The following TTBK2 variants were observed in gnomAD, a reference collection of about 807,000 sequenced individuals.
The protein encoded by TTBK2 is tau-tubulin kinase 2.
TTBK2 carries 28 observed loss-of-function variants against 110.8 expected under a neutral mutation model. The observed-to-expected ratio is 0.25, with a 90% confidence interval of 0.19 to 0.35. The LOEUF is 0.35. Ranked by LOEUF, TTBK2 falls within the 10% of genes least tolerant of loss-of-function variation. TTBK2 has a pLI of 1.00. For missense variants in TTBK2, 1,369 were observed against 1,500.3 expected, an observed-to-expected ratio of 0.91 and a Z score of 1.45; for synonymous variants, 532 against 527.3, an observed-to-expected ratio of 1.01 and a Z score of -0.12.
intron 4 of TTBK2, among the ~76,000 whole-genome samples, chr15:42,839,215 T>C (rs1217391536): frequency 2.0e-5 from 3 of 152,224 alleles, no homozygotes; most frequent in Non-Finnish European, 4.4e-5. Flanking sequence ...TTTCTATTCC[T>C]GCATTAATTT....
At chr15:42,879,902 G>A (rs553112318) in intron 1 of TTBK2, among the ~76,000 whole-genome samples, 2 of 151,714 alleles carry the variant, frequency 1.3e-5, no homozygotes, top group Non-Finnish European at 2.9e-5. Flanking sequence ...GAGTCTGAGC[G>A]GGGAGGATCA....
rs185448970 is a variant in TTBK2, at chr15:42,812,559, T to G, written c.604-779A>C. Among the ~76,000 whole-genome samples the G allele has an allele frequency of 7.2e-5, 11 of 152,254 alleles. No homozygotes were observed. In the East Asian group the frequency reaches 1.7e-3, roughly 24 times the overall value. ...AATACATCCCTAAATTCAGACCTCA[T>G]AGAAGTGCTATAGAAAAAGCCTCAC... On this transcript the variant is annotated intron_variant, in intron 7 of 14. Coordinates refer to ENST00000267890, the MANE Select transcript of TTBK2 (RefSeq NM_173500.4).
In TTBK2 at chr15:42,752,994, G is replaced by A; in HGVS notation, c.2252C>T (p.Ser751Phe). ...MLPNIRESNK[S>F]QDLGPKELPD... Reference sequence around the variant, plus strand: ...AAGTTCTTTTGGTCCCAGGTCTTGAGATTTGTTACTTTCTCTAATGTTGGG... The same window carrying A: ...AAGTTCTTTTGGTCCCAGGTCTTGAAATTTGTTACTTTCTCTAATGTTGGG... Residue 751 changes from serine to phenylalanine, a missense_variant, in exon 14 of 15, where the codon TCT becomes TTT. By Grantham distance (155) the Ser-to-Phe change is radical. Coordinates refer to ENST00000267890, the MANE Select transcript of TTBK2 (RefSeq NM_173500.4). The A allele has an allele frequency of 6.2e-7, 1 of 1,614,170 alleles. No individual in the cohort carries two copies. Among genetic ancestry groups the A allele is most frequent in the Non-Finnish European group, 8.5e-7 (1 of 1,180,034 alleles).
chr15:42,840,311 C>T (rs1893165275), intron 4 of TTBK2, 49 bp downstream of exon 4: 2 of 1,481,474 alleles, frequency 1.4e-6, no homozygotes, highest in Non-Finnish European at 1.9e-6. Context: ...TAATTGTATA[C>T]TTTGATCAAA....
intron 3 of TTBK2, among the ~76,000 whole-genome samples, chr15:42,860,275 A>T (rs1894102890): frequency 6.6e-6 from 1 of 152,032 alleles, no homozygotes; most frequent in Non-Finnish European, 1.5e-5. Context: ...CAAAACAAAC[A>T]AACAAACAAA....
At chr15:42,872,576 C>T (rs1894657526) in intron 3 of TTBK2, 35 bp downstream of exon 3, 1 of 1,607,152 alleles carries the variant, frequency 6.2e-7, no homozygotes, top group Admixed American at 1.7e-5. Context: ...AATTAACATA[C>T]AAATCATAAA....
At chr15:42,779,301 C>T (rs1367914850) in intron 11 of TTBK2, among the ~76,000 whole-genome samples, 1 of 151,158 alleles carries the variant, frequency 6.6e-6, no homozygotes, top group African/African-American at 2.4e-5. Context: ...CCCGGCTACT[C>T]GGGAGGCTGA....
At chr15:42,775,808 G>T (rs1284438143) in intron 12 of TTBK2, 85 bp from the exon 13 acceptor site, 5 of 1,076,188 alleles carry the variant, frequency 4.6e-6, no homozygotes, top group Non-Finnish European at 6.5e-6. Context: ...AACTAATATG[G>T]ACACAAAGAT....
At chr15:42,830,547 G>C (rs943399620) in intron 4 of TTBK2, among the ~76,000 whole-genome samples, 2 of 152,050 alleles carry the variant, frequency 1.3e-5, no homozygotes, top group East Asian at 3.9e-4. Flanking sequence ...TTAATCACAC[G>C]AATGTTTCAG....
chr15:42,894,919 C>T (rs1895608454), intron 1 of TTBK2, among the ~76,000 whole-genome samples: 1 of 152,160 alleles, frequency 6.6e-6, no homozygotes, highest in Non-Finnish European at 1.5e-5. Context: ...ATTCAAAAAT[C>T]AATTCATGCA....
chr15:42,752,615 C>A lies in TTBK2; in HGVS notation c.2631G>T (p.Lys877Asn). The A allele has an allele frequency of 6.2e-7, 1 of 1,614,138 alleles. No homozygotes were observed. Among genetic ancestry groups the A allele is most frequent in the Non-Finnish European group, 8.5e-7 (1 of 1,180,038 alleles). The change falls in exon 14 of 15, where the codon AAG (lysine) becomes AAT (asparagine). Residue 877 changes from lysine (K) to asparagine (N), a missense_variant. This residue lies in a region of TTBK2 where 1,097 missense variants were observed against 1,114.7 expected (regional missense o/e 0.98). Transcript: ENST00000267890. ...TCATGATGTCATCATCCTTAGATAT[C>A]TTATTTTTTTGCATTTCTGCCACTT... is the stretch of plus-strand genomic sequence containing the variant. ...IGQVAEMQKN[K>N]ISKDDDIMSE...
intron 1 of TTBK2, among the ~76,000 whole-genome samples, chr15:42,887,232 T>C (rs1895281360): frequency 6.6e-6 from 1 of 152,150 alleles, no homozygotes; most frequent in South Asian, 2.1e-4. Flanking sequence ...GCTCCCTTAT[T>C]AGGTCAAGAC....
At chr15:42,820,087 G>A (rs1029380729) in intron 6 of TTBK2, among the ~76,000 whole-genome samples, 3 of 152,124 alleles carry the variant, frequency 2.0e-5, no homozygotes, top group Non-Finnish European at 4.4e-5. Context: ...CTGAAATAGA[G>A]AAAACAGAAA....
chr15:42,851,385 A>G (rs1893705706), intron 3 of TTBK2, among the ~76,000 whole-genome samples: 2 of 152,192 alleles, frequency 1.3e-5, no homozygotes, highest in Non-Finnish European at 1.5e-5. Context: ...ATGCCATGTT[A>G]CAGTGTGTGG....
intron 13 of TTBK2, among the ~76,000 whole-genome samples, chr15:42,767,288 C>A (rs970445525): frequency 2.0e-5 from 3 of 151,924 alleles, no homozygotes; most frequent in Non-Finnish European, 4.4e-5. Context: ...GAGATAGAGA[C>A]ACAAAAAAAC....
intron 9 of TTBK2, among the ~76,000 whole-genome samples, chr15:42,804,972 G>C (rs1891397863): frequency 6.6e-6 from 1 of 152,194 alleles, no homozygotes; most frequent in South Asian, 2.1e-4. Context: ...AGGACAGGCA[G>C]AATCACAGAC....
intron 13 of TTBK2, among the ~76,000 whole-genome samples, chr15:42,754,527 T>A (rs1420281833): frequency 1.3e-5 from 2 of 151,422 alleles, no homozygotes; most frequent in African/African-American, 4.8e-5. Context: ...CTCCCAAGTA[T>A]CTGGGATTAC....
At position 42,741,461 on chromosome 15, in the gene TTBK2, C is replaced by T. The variant is rs1164310584; in HGVS notation, c.*4334G>A. 6.6e-6 allele frequency: 1 copy of T among 152,166 alleles called. No individual in the cohort carries two copies. Among genetic ancestry groups the T allele is most frequent in the Non-Finnish European group, 1.5e-5 (1 of 68,034 alleles). 9.4% of individuals were successfully genotyped at this position (152,166 alleles called of 1,614,324 possible). A position where few individuals can be genotyped will look rare whatever the true frequency, so the allele number is the denominator to read the frequency against. ...TAATATATTGTCCACAGGGCCAAAC[C>T]CCAAGTTACACAGCGCAACAGTACT... On this transcript the variant is annotated 3_prime_UTR_variant, in exon 15 of 15. Coordinates refer to ENST00000267890, the MANE Select transcript of TTBK2 (RefSeq NM_173500.4).
At chr15:42,800,032 G>A (rs562992544) in intron 9 of TTBK2, among the ~76,000 whole-genome samples, 11 of 152,120 alleles carry the variant, frequency 7.2e-5, no homozygotes, top group African/African-American at 2.4e-4. Flanking sequence ...CGAGGAGGCA[G>A]GGTTTGCAGT....
Sources: allele counts gnomAD v4.1 joint callset (sites outside exome capture counted in the v4.1 genomes callset), GRCh38; gene constraint gnomAD v4.1.1; regional missense constraint gnomAD v4.1.1; transcripts MANE v1.5; gene names NCBI Gene and HGNC (gene_info 2026-07-23, HGNC 2026-07-21).